TRIM14: variants seen among roughly 807,000 people sequenced by gnomAD.
TRIM14 encodes the protein tripartite motif-containing protein 14.
Under a neutral mutation model 44.5 loss-of-function variants are expected in TRIM14, and 28 were observed. The ratio of observed to expected loss-of-function variants is 0.63; its 90% confidence interval spans 0.47 to 0.86. The LOEUF (loss-of-function observed/expected upper bound fraction) is 0.86, where lower values mean the gene tolerates loss of function less well. TRIM14 is among the 40% of genes least tolerant of loss of function. The probability of loss-of-function intolerance (pLI) is 0.00; values close to 1 mark genes in which losing one functional copy is unlikely to be tolerated. For missense variants in TRIM14, 607 were observed against 611.1 expected (o/e 0.99, Z 0.07); for synonymous variants, 299 against 269.2 (o/e 1.11, Z -1.08).
the TRIM14 span, among the ~76,000 whole-genome samples, chr9:98,047,145 C>T: frequency 1.3e-5 from 2 of 152,116 alleles, no homozygotes; most frequent in Non-Finnish European, 2.9e-5. Context: ...CGGTTTCCCC[C>T]ATACTGTTCT....
At chr9:98,102,281 C>T (rs1826428217) in intron 2 of TRIM14, among the ~76,000 whole-genome samples, 1 of 152,210 alleles carries the variant, frequency 6.6e-6, no homozygotes. Flanking sequence ...TCTGCTGTCT[C>T]ACCCATTGCT....
At chr9:98,065,891 A>G (rs937052971), downstream of TRIM14, among the ~76,000 whole-genome samples, 5 of 152,092 alleles carry the variant, frequency 3.3e-5, 1 homozygote, top group East Asian at 7.7e-4. Context: ...GCTGCCATGT[A>G]AGAAGTGCCT....
chr9:98,110,034 AT>A, intron 1 of TRIM14, 50 bp from the exon 2 acceptor site: 4 of 1,417,480 alleles, frequency 2.8e-6, no homozygotes, highest in Non-Finnish European at 4.0e-6. Context: ...CACTTTCCAA[AT>A]AACAGGCCCC....
Position 98,087,957 on chromosome 9 carries a change from C to G in TRIM14, c.842G>C (p.Arg281Pro), listed in dbSNP as rs567268646. 4 of 1,564,100 alleles carry G rather than the reference C, an allele frequency of 2.6e-6. No homozygotes were observed. The highest frequency in any genetic ancestry group is 3.4e-6 in the Non-Finnish European group (4 of 1,165,804). ...CACCGTCAGGCGATCGGCGGACAGG[C>G]GCAGGCGCGCGTGCATCGTGTCAGG... is the stretch of plus-strand genomic sequence containing the variant. ...LDPDTMHARL[R>P]LSADRLTVRC... The change falls in exon 6 of 6, where the codon CGC becomes CCC. Residue 281 changes from arginine to proline, a missense_variant. Physicochemically the swap from Arg to Pro is moderately radical, Grantham distance 103 (BLOSUM62 -2). Transcript: ENST00000341469.
the TRIM14 span, among the ~76,000 whole-genome samples, chr9:98,037,438 T>C: frequency 6.6e-6 from 1 of 151,762 alleles, no homozygotes. Flanking sequence ...AGCCCAGAGA[T>C]GGTTACTGGG....
intron 2 of TRIM14, among the ~76,000 whole-genome samples, chr9:98,101,381 T>G (rs1177354912): frequency 6.6e-6 from 1 of 152,116 alleles, no homozygotes; most frequent in Admixed American, 6.5e-5. Flanking sequence ...GGTGGTAGGG[T>G]CTATTGGTAC....
At chr9:98,100,948 T>A (rs902460334) in intron 2 of TRIM14, among the ~76,000 whole-genome samples, 2 of 152,148 alleles carry the variant, frequency 1.3e-5, no homozygotes, top group Admixed American at 6.5e-5. Context: ...ATCAATTAGA[T>A]GAAATACAAA....
chr9:98,044,396 A>G, the TRIM14 span, among the ~76,000 whole-genome samples: 1 of 135,710 alleles, frequency 7.4e-6, no homozygotes, highest in East Asian at 2.2e-4. Flanking sequence ...TTTTTTTGAG[A>G]AAGAGTCTTG....
the TRIM14 span, among the ~76,000 whole-genome samples, chr9:98,055,550 G>A: frequency 2.6e-5 from 4 of 152,084 alleles, no homozygotes; most frequent in Admixed American, 2.0e-4. Context: ...ACTGGTCTTA[G>A]GTTTTACAAT....
At chr9:98,117,848 CTT>C (rs1827110516) in intron 1 of TRIM14, among the ~76,000 whole-genome samples, 1 of 152,094 alleles carries the variant, frequency 6.6e-6, no homozygotes, top group South Asian at 2.1e-4. Context: ...GGGTGAGACT[CTT>C]GAGCCAGATC....
chr9:98,077,089 C>G, intron 6 of TRIM14: 1 of 1,118,508 alleles, frequency 8.9e-7, no homozygotes. Flanking sequence ...CTCATGGTGG[C>G]CCACTTTCAG....
the TRIM14 span, among the ~76,000 whole-genome samples, chr9:98,064,159 G>GGCTA: frequency 6.6e-6 from 1 of 152,196 alleles, no homozygotes; most frequent in African/African-American, 2.4e-5. Flanking sequence ...GGCAGTTTCA[G>GGCTA]GCTACACTTC....
At chr9:98,088,131 T>C (rs1825865090) in intron 5 of TRIM14, 126 bp from the exon 6 acceptor site, 1 of 1,127,430 alleles carries the variant, frequency 8.9e-7, no homozygotes, top group African/African-American at 1.7e-5. Flanking sequence ...AAGGAAGGGG[T>C]GACAGACCCC....
Position 98,087,170 on chromosome 9 carries a change from G to A in TRIM14, c.*300C>T. 1.5e-6 allele frequency: 1 copy of A among 679,506 alleles called. No homozygotes were observed. Among genetic ancestry groups the A allele is most frequent in the Non-Finnish European group, 2.8e-6 (1 of 356,778 alleles). 42.1% of individuals were successfully genotyped at this position (679,506 alleles called of 1,614,324 possible). ...GCGGATGATGTATTCAGGATGCTGA[G>A]GGCTTACCTGTGGGGGTATCACTTT... On this transcript the variant is annotated 3_prime_UTR_variant, in exon 6 of 6. Transcript: ENST00000341469.
At chr9:98,081,315 A>G, downstream of TRIM14, 1 of 579,052 alleles carries the variant, frequency 1.7e-6, no homozygotes, top group Middle Eastern at 4.7e-4. Flanking sequence ...TTCTCTGGCC[A>G]CCTAGGGTCA....
At chr9:98,080,184 A>G (rs1829790473), downstream of TRIM14, among the ~76,000 whole-genome samples, 1 of 152,258 alleles carries the variant, frequency 6.6e-6, no homozygotes, top group Admixed American at 6.5e-5. Context: ...ATTGCACTCC[A>G]GCCTTGGTGA....
the TRIM14 span, chr9:98,056,734 A>G: frequency 6.5e-7 from 1 of 1,546,556 alleles, no homozygotes; most frequent in East Asian, 2.4e-5. Flanking sequence ...CGTTGCTCAC[A>G]GAACAGAGTA....
At chr9:98,100,190 A>G (rs943145293) in intron 2 of TRIM14, 26 bp from the exon 3 acceptor site, 2 of 1,596,262 alleles carry the variant, frequency 1.3e-6, no homozygotes, top group African/African-American at 2.7e-5. Flanking sequence ...CCAGTTGCAG[A>G]TGACATGTCT....
In TRIM14 at chr9:98,095,050, G is replaced by A. The variant is rs745742495; in HGVS notation, c.538-21C>T. Reference sequence around the variant, plus strand: ...TATGCCTGTGTGGGCACACGGGGGTGAGGGTGGCTCTGGGAGATGCAGGCA... The same window carrying A: ...TATGCCTGTGTGGGCACACGGGGGTAAGGGTGGCTCTGGGAGATGCAGGCA... On this transcript the variant is annotated intron_variant, in intron 3 of 5. Transcript: ENST00000341469. This position sits in a 1 kb window ranked among gnomAD's most constrained non-coding sequence, Gnocchi z 4.1. 6.2e-7 allele frequency: 1 copy of A among 1,606,146 alleles called. No homozygotes were observed. Among genetic ancestry groups the A allele is most frequent in the African/African-American group, 1.3e-5 (1 of 74,952 alleles).
Sources: allele counts gnomAD v4.1 joint callset (sites outside exome capture counted in the v4.1 genomes callset), GRCh38; gene constraint gnomAD v4.1.1; non-coding constraint Gnocchi (gnomAD v3.1); transcripts MANE v1.5; gene names NCBI Gene and HGNC (gene_info 2026-07-23, HGNC 2026-07-21).